The following SKI variants were observed in gnomAD, a reference collection of about 807,000 sequenced individuals.
SKI encodes ski oncogene.
Under a neutral mutation model 59.3 loss-of-function variants are expected in SKI, and 23 were observed. The ratio of observed to expected loss-of-function variants is 0.39; its 90% CI spans 0.28 to 0.55. The LOEUF is 0.55. Ranked by LOEUF, SKI falls within the 20% of genes least tolerant of loss-of-function variation. The probability of loss-of-function intolerance (pLI) is 0.67; values close to 1 mark genes in which losing one functional copy is unlikely to be tolerated. For missense variants in SKI, 1,017 were observed against 1,038.9 expected (o/e 0.98, Z 0.29); for synonymous variants, 673 against 488.6 (o/e 1.38, Z -4.98).
chr1:2,237,469 C>A (rs1638774936), intron 1 of SKI, among the ~76,000 whole-genome samples: 2 of 152,172 alleles, frequency 1.3e-5, no homozygotes, highest in Non-Finnish European at 2.9e-5. Context: ...TGTTGTTCTG[C>A]CCAGGAGTGA....
At chr1:2,256,710 T>G (rs1639282327) in intron 1 of SKI, among the ~76,000 whole-genome samples, 1 of 152,256 alleles carries the variant, frequency 6.6e-6, no homozygotes, top group South Asian at 2.1e-4. Context: ...GTCTTGCCTC[T>G]GGTGTCCCCA....
chr1:2,250,018 C>T (rs1327370972), intron 1 of SKI, among the ~76,000 whole-genome samples: 2 of 152,144 alleles, frequency 1.3e-5, no homozygotes, highest in Non-Finnish European at 2.9e-5. Flanking sequence ...GATTCTCCTG[C>T]CTCAGCCTCC....
chr1:2,296,704 T>C (rs1364973456), intron 1 of SKI, among the ~76,000 whole-genome samples: 1 of 152,166 alleles, frequency 6.6e-6, no homozygotes, highest in African/African-American at 2.4e-5. Flanking sequence ...ATGGTGTCCT[T>C]TGAAGCACAA....
chr1:2,245,028 T>A (rs962735850), intron 1 of SKI, among the ~76,000 whole-genome samples: 7 of 152,132 alleles, frequency 4.6e-5, no homozygotes, highest in African/African-American at 1.4e-4. Flanking sequence ...TAAAGCAAAT[T>A]CACGCTGCTG....
At chr1:2,251,194 A>G (rs1408532415) in intron 1 of SKI, among the ~76,000 whole-genome samples, 4 of 152,134 alleles carry the variant, frequency 2.6e-5, no homozygotes, top group African/African-American at 4.8e-5. Context: ...GTGTTCGGAA[A>G]GAGTCACTTA....
intron 1 of SKI, among the ~76,000 whole-genome samples, chr1:2,235,405 C>T (rs941580054): frequency 1.3e-5 from 2 of 152,206 alleles, no homozygotes; most frequent in African/African-American, 2.4e-5. Flanking sequence ...GGGTCGCCCC[C>T]ACTGTGCCAC....
At chr1:2,244,037 C>T (rs1021826241) in intron 1 of SKI, among the ~76,000 whole-genome samples, 2 of 152,052 alleles carry the variant, frequency 1.3e-5, no homozygotes, top group Admixed American at 6.5e-5. Context: ...ATGATCTCGG[C>T]TCATTGCAAG....
rs1348021395 is a variant in SKI, at chr1:2,303,546, C to T, written c.1211+146C>T. The T allele has an allele frequency of 2.6e-6, 2 of 763,692 alleles. No homozygotes were observed. The highest frequency in any genetic ancestry group is 2.1e-6 in the Non-Finnish European group (1 of 470,464). 47.3% of individuals were successfully genotyped at this position (763,692 alleles called of 1,614,324 possible). On this transcript the variant is annotated intron_variant, in intron 3 of 6. Transcript: ENST00000378536. The surrounding 1 kb of genome is among the most constrained non-coding windows in gnomAD (Gnocchi z 5.6). ...GCAGTCTCGGTGTTGGTTCCTTTGG[C>T]TGGCATCAGGGAGAGCACACCTAGA...
intron 1 of SKI, among the ~76,000 whole-genome samples, chr1:2,266,565 C>A (rs1164672560): frequency 1.2e-4 from 18 of 152,168 alleles, no homozygotes; most frequent in Non-Finnish European, 2.9e-5. Context: ...TCCTTTGCTG[C>A]CTGACCTCCA....
rs764842901 is a variant in SKI, at chr1:2,229,408, C to A, written c.642C>A (p.Ser214Arg). Residue 214 changes from serine (S) to arginine (R), a missense_variant, in exon 1 of 7, where the codon AGC becomes AGA. Transcript: ENST00000378536. The surrounding 1 kb of genome is among the most constrained non-coding windows in gnomAD (Gnocchi z 6.3). Reference protein sequence around the residue: ...AASLALGLELSERSVRVYHEC... With the variant: ...AASLALGLELRERSVRVYHEC... ...GCCTGGCGCTGGGCCTGGAGCTCAG[C>A]GAGCGCAGCGTCCGCGTGTACCACG... 1.2e-6 allele frequency: 2 copies of A among 1,609,408 alleles called. No individual in the cohort carries two copies. The highest frequency in any genetic ancestry group is 1.7e-6 in the Non-Finnish European group (2 of 1,178,280).
chr1:2,243,811 C>G (rs765739647), intron 1 of SKI, among the ~76,000 whole-genome samples: 2 of 152,086 alleles, frequency 1.3e-5, no homozygotes, highest in Non-Finnish European at 1.5e-5. Flanking sequence ...TACACGCACA[C>G]GCAATACACA....
intron 1 of SKI, among the ~76,000 whole-genome samples, chr1:2,278,560 G>A (rs1557835611): frequency 6.6e-6 from 1 of 152,156 alleles, no homozygotes; most frequent in African/African-American, 2.4e-5. Context: ...ATTGCTAAAG[G>A]TAGAGCCCGG....
At position 2,269,138 on chromosome 1, in the gene SKI, G is replaced by C. The variant is rs1018868682; in HGVS notation, c.970-33840G>C. On this transcript the variant is annotated intron_variant, in intron 1 of 6. Transcript: ENST00000378536. This position sits in a 1 kb window ranked among gnomAD's most constrained non-coding sequence, Gnocchi z 4.7. ...TTTTATATTTTTTGGGTAGAGATGG[G>C]GTCTCGCCATGTTGTCCAGGCTGGT... 7.9e-5 allele frequency among the ~76,000 whole-genome samples: 12 copies of C among 152,096 alleles called. No individual in the cohort carries two copies. Among genetic ancestry groups the C allele is most frequent in the Non-Finnish European group, 1.6e-4 (11 of 68,016 alleles).
Position 2,268,175 on chromosome 1 carries a change from G to A in SKI, c.970-34803G>A, listed in dbSNP as rs886384709. ...CGGCGGGGCCCTGGCTCTGTGGGTG[G>A]GTGGCTGTGCTGCCGCTGCTGTCGC... On this transcript the variant is annotated intron_variant, in intron 1 of 6. Transcript: ENST00000378536. The surrounding 1 kb of genome is among the most constrained non-coding windows in gnomAD (Gnocchi z 5.0). 6.6e-6 allele frequency among the ~76,000 whole-genome samples: 1 copy of A among 152,202 alleles called. No homozygotes were observed. Among genetic ancestry groups the A allele is most frequent in the African/African-American group, 2.4e-5 (1 of 41,448 alleles).
At chr1:2,271,574 G>A (rs957357827) in intron 1 of SKI, among the ~76,000 whole-genome samples, 2 of 151,988 alleles carry the variant, frequency 1.3e-5, no homozygotes, top group Non-Finnish European at 2.9e-5. Flanking sequence ...GCCCTGCCCC[G>A]GGCTGACCCC....
intron 1 of SKI, among the ~76,000 whole-genome samples, chr1:2,299,811 C>T (rs1640379957): frequency 6.6e-6 from 1 of 152,214 alleles, no homozygotes. Context: ...TTCTCTGTTC[C>T]TGGCACCTTA....
chr1:2,306,167 C>T lies in SKI; in HGVS notation c.1915C>T (p.Arg639Trp), dbSNP rs1468285822. 3.1e-6 allele frequency: 5 copies of T among 1,592,608 alleles called. No homozygotes were observed. Among genetic ancestry groups the T allele is most frequent in the African/African-American group, 1.3e-5 (1 of 74,786 alleles). Residue 639 changes from arginine (R) to tryptophan (W), a missense_variant, in exon 6 of 7, where the codon CGG becomes TGG. By Grantham distance (101) the Arg-to-Trp change is moderately radical (BLOSUM62 -3). Coordinates refer to ENST00000378536, the MANE Select transcript of SKI (RefSeq NM_003036.4). ...EANESRLRLK[R>W]ELEQARQARV... The stretch of plus-strand genomic sequence containing the variant: ...CAACGAGTCACGGCTGCGCCTGAAG[C>T]GGGAGCTGGAGCAGGCGCGGCAGGC...
At chr1:2,295,900 C>T (rs1441070866) in intron 1 of SKI, among the ~76,000 whole-genome samples, 1 of 152,216 alleles carries the variant, frequency 6.6e-6, no homozygotes, top group Admixed American at 6.5e-5. Context: ...TGTGCACAAG[C>T]TGTCGTGTGG....
In SKI at chr1:2,267,506, T is replaced by C. The variant is rs576319176; in HGVS notation, c.970-35472T>C. On this transcript the variant is annotated intron_variant, in intron 1 of 6. Transcript: ENST00000378536. The surrounding 1 kb of genome is among the most constrained non-coding windows in gnomAD (Gnocchi z 4.1). ...TCAATATCCCATTCGTTCCAGAGCCTCCTTTCAGGGTGGAAGGGGTGGTGG... is the reference window on the plus strand; with the variant it reads ...TCAATATCCCATTCGTTCCAGAGCCCCCTTTCAGGGTGGAAGGGGTGGTGG... Among the ~76,000 whole-genome samples, 1 of 152,256 alleles carries C rather than the reference T, an allele frequency of 6.6e-6. No individual in the cohort carries two copies. Among genetic ancestry groups the C allele is most frequent in the South Asian group, 2.1e-4 (1 of 4,812 alleles).
Sources: gnomAD v4.1 joint callset for allele counts (sites outside exome capture counted in the v4.1 genomes callset) on GRCh38, gnomAD v4.1.1 for gene constraint, Gnocchi (gnomAD v3.1) non-coding constraint, MANE v1.5 for transcripts, NCBI Gene and HGNC (gene_info 2026-07-23, HGNC 2026-07-21) for gene names.